SLIT2: variants seen among roughly 807,000 people sequenced by gnomAD.
SLIT2 encodes slit guidance ligand 2.
In SLIT2, 41 loss-of-function variants were observed where a neutral mutation model predicts 185.7. The observed-to-expected ratio is 0.22, with a 90% CI of 0.17 to 0.29. The LOEUF (loss-of-function observed/expected upper bound fraction) is 0.29, where lower values mean the gene tolerates loss of function less well. SLIT2 is among the 10% of genes least tolerant of loss of function. The pLI is 1.00. For missense variants in SLIT2, 1,571 were observed against 1,909.0 expected (o/e 0.82, Z 3.30); for synonymous variants, 693 against 680.2 (o/e 1.02, Z -0.29).
chr4:20,259,801 A>C (rs1022338285), intron 3 of SLIT2, among the ~76,000 whole-genome samples: 2 of 151,790 alleles, frequency 1.3e-5, no homozygotes, highest in Non-Finnish European at 3.0e-5. Context: ...ATTCTGAATG[A>C]AAACTAATAT....
At chr4:20,499,384 C>T (rs1718505125) in intron 9 of SLIT2, among the ~76,000 whole-genome samples, 1 of 152,224 alleles carries the variant, frequency 6.6e-6, no homozygotes, top group African/African-American at 2.4e-5. Context: ...AAACTTTTTG[C>T]TTGCTATTTC....
rs1721507676 is a variant in SLIT2 at position 20,528,598 on chromosome 4, A to T, written c.1463-351A>T. Reference sequence around the variant, plus strand: ...TAGGATCATGTTTATTACTGGATATATTTTCAATTCTTGACTCCGAGAAAA... The same window carrying T: ...TAGGATCATGTTTATTACTGGATATTTTTTCAATTCTTGACTCCGAGAAAA... On this transcript the variant is annotated intron_variant, in intron 15 of 36. Transcript: ENST00000504154. The surrounding 1 kb of genome is among the most constrained non-coding windows in gnomAD (Gnocchi z 4.2). Among the ~76,000 whole-genome samples the T allele has an allele frequency of 6.6e-6, 1 of 152,090 alleles. No individual in the cohort carries two copies. The highest frequency in any genetic ancestry group is 1.5e-5 in the Non-Finnish European group (1 of 68,012).
intron 4 of SLIT2, among the ~76,000 whole-genome samples, chr4:20,414,984 C>G (rs1225953648): frequency 5.3e-5 from 8 of 152,184 alleles, no homozygotes; most frequent in Non-Finnish European, 1.2e-4. Flanking sequence ...CTCTCCTCTA[C>G]TTACTGAATT....
At position 20,574,648 on chromosome 4, in the gene SLIT2, G is replaced by A. The variant is rs150245259; in HGVS notation, c.3088+5644G>A. On this transcript the variant is annotated intron_variant, in intron 29 of 36. Coordinates refer to ENST00000504154, the MANE Select transcript of SLIT2 (RefSeq NM_004787.4). Reference sequence around the variant, plus strand: ...CTAAAAATACAAAAATGAGCAGGGCGTTGCGGCACAAGCTTGTAGTCCCAG... The same window carrying A: ...CTAAAAATACAAAAATGAGCAGGGCATTGCGGCACAAGCTTGTAGTCCCAG... 2.1e-3 allele frequency among the ~76,000 whole-genome samples: 320 copies of A among 152,108 alleles called. 5 individuals carry two copies. The East Asian group carries it at 0.056, about 27-fold the overall frequency.
chr4:20,415,366 GCA>G (rs1376788503), intron 4 of SLIT2, among the ~76,000 whole-genome samples: 1 of 122,926 alleles, frequency 8.1e-6, no homozygotes, highest in Non-Finnish European at 1.6e-5. Flanking sequence ...AGCCCAGATC[GCA>G]CCACTGCGCT....
At chr4:20,351,765 A>G (rs1296947910) in intron 4 of SLIT2, among the ~76,000 whole-genome samples, 4 of 152,214 alleles carry the variant, frequency 2.6e-5, no homozygotes, top group African/African-American at 9.6e-5. Context: ...ATTGTGTCAC[A>G]TAAACAATAG....
Position 20,553,247 on chromosome 4 carries a change from T to C in SLIT2, c.2562-558T>C, listed in dbSNP as rs142465250. On this transcript the variant is annotated intron_variant, in intron 25 of 36. Coordinates refer to ENST00000504154, the MANE Select transcript of SLIT2 (RefSeq NM_004787.4). The stretch of plus-strand genomic sequence containing the variant: ...ACTATCCTACACAGCTTAGACTTTC[T>C]TAACCACCAGCCTCCCAGAAAAGTT... Among the ~76,000 whole-genome samples the C allele has an allele frequency of 3.1e-3, 465 of 152,320 alleles. 1 individual carries two copies. The highest frequency in any genetic ancestry group is 4.9e-3 in the Non-Finnish European group (335 of 68,036).
At chr4:20,488,651 G>A (rs1433817486) in intron 7 of SLIT2, among the ~76,000 whole-genome samples, 168 bp from the exon 8 acceptor site, 1 of 152,196 alleles carries the variant, frequency 6.6e-6, no homozygotes, top group Non-Finnish European at 1.5e-5. Context: ...CAGACTAAAT[G>A]AAGAGAGACT....
chr4:20,492,332 T>C (rs1350208655), intron 9 of SLIT2, among the ~76,000 whole-genome samples: 1 of 152,238 alleles, frequency 6.6e-6, no homozygotes, highest in South Asian at 2.1e-4. Flanking sequence ...ACTGTTTTGT[T>C]TGAATTGATA....
chr4:20,413,499 A>G (rs961233525), intron 4 of SLIT2, among the ~76,000 whole-genome samples: 1 of 151,878 alleles, frequency 6.6e-6, no homozygotes, highest in African/African-American at 2.4e-5. Flanking sequence ...TTTGTTACTG[A>G]TTTTCTGTCC....
chr4:20,511,176 A>C lies in SLIT2; in HGVS notation c.1058+39A>C, dbSNP rs1265387223. On this transcript the variant is annotated intron_variant, in intron 11 of 36. Coordinates refer to ENST00000504154, the MANE Select transcript of SLIT2 (RefSeq NM_004787.4). ...GTGTCACTGAAGGAAAAGAGAAGCCACAACAAAGAGTGGCTACCTTTTTTA... is the reference window on the plus strand; with the variant it reads ...GTGTCACTGAAGGAAAAGAGAAGCCCCAACAAAGAGTGGCTACCTTTTTTA... 6.2e-6 allele frequency: 8 copies of C among 1,296,744 alleles called. No individual in the cohort carries two copies. The East Asian group carries it at 1.8e-4, about 30-fold the overall frequency. The allele number at this position is 1,296,744 out of a possible 1,614,324, so 80.3% of individuals were successfully genotyped here.
intron 4 of SLIT2, among the ~76,000 whole-genome samples, chr4:20,430,166 T>A (rs1328496071): frequency 6.6e-6 from 1 of 151,246 alleles, no homozygotes; most frequent in Admixed American, 6.6e-5. Context: ...AAAATTCTTT[T>A]TTTCTTATTG....
chr4:20,543,171 TAAG>T (rs1157067770), intron 21 of SLIT2, among the ~76,000 whole-genome samples: 4 of 152,080 alleles, frequency 2.6e-5, no homozygotes, highest in Non-Finnish European at 4.4e-5. Flanking sequence ...TCTCTTCCCT[TAAG>T]AAGAGATGCT....
intron 5 of SLIT2, among the ~76,000 whole-genome samples, chr4:20,478,593 C>A (rs1307095038): frequency 6.6e-6 from 1 of 152,178 alleles, no homozygotes; most frequent in Non-Finnish European, 1.5e-5. Flanking sequence ...TTGATTTATA[C>A]ATTGACAGCT....
chr4:20,597,209 G>A (rs1183615866), intron 32 of SLIT2, among the ~76,000 whole-genome samples: 3 of 152,020 alleles, frequency 2.0e-5, no homozygotes, highest in Non-Finnish European at 4.4e-5. Flanking sequence ...GGGACGACAA[G>A]CATGTGCCAC....
In SLIT2 at chr4:20,616,762, C is replaced by G. The variant is rs994939745; in HGVS notation, c.3848-148C>G. 88 of 748,060 alleles carry G rather than the reference C, an allele frequency of 1.2e-4. No homozygotes were observed. In the African/African-American group the frequency reaches 1.5e-3, roughly 13 times the overall value. 46.3% of individuals were successfully genotyped at this position (748,060 alleles called of 1,614,324 possible). On this transcript the variant is annotated intron_variant, in intron 34 of 36. Transcript: ENST00000504154. ...AAAACAAAAACACACATCTCTACAT[C>G]TCTTCTCCACTTCACTTCCCTACCA...
intron 11 of SLIT2, 135 bp from the exon 12 acceptor site, chr4:20,519,247 T>C: frequency 1.6e-6 from 1 of 636,278 alleles, no homozygotes; most frequent in Non-Finnish European, 2.8e-6. Flanking sequence ...CAAATGGAGT[T>C]TGTTTACTCA....
chr4:20,405,825 T>G (rs1726734258), intron 4 of SLIT2, among the ~76,000 whole-genome samples: 1 of 152,044 alleles, frequency 6.6e-6, no homozygotes, highest in Non-Finnish European at 1.5e-5. Flanking sequence ...TTCTCAATAT[T>G]AGGACATAAG....
In SLIT2 at chr4:20,251,984, T is replaced by G. The variant is rs2108996704; in HGVS notation, c.-1832T>G. 6.6e-6 allele frequency among the ~76,000 whole-genome samples: 1 copy of G among 151,486 alleles called. No individual in the cohort carries two copies. The highest frequency in any genetic ancestry group is 2.0e-4 in the East Asian group (1 of 5,104). Reference sequence around the variant, plus strand: ...TGGTGGTGGCTGCCGCAGACTGTGGTTAAAAAAAAGAAGGCGGCGGCGGCG... The same window carrying G: ...TGGTGGTGGCTGCCGCAGACTGTGGGTAAAAAAAAGAAGGCGGCGGCGGCG... On this transcript the variant is annotated 5_prime_UTR_variant, in exon 1 of 37. Transcript: ENST00000504154.
Sources: allele counts gnomAD v4.1 joint callset (sites outside exome capture counted in the v4.1 genomes callset), GRCh38; gene constraint gnomAD v4.1.1; non-coding constraint Gnocchi (gnomAD v3.1); transcripts MANE v1.5; gene names NCBI Gene and HGNC (gene_info 2026-07-23, HGNC 2026-07-21).